GRM5: variants seen among roughly 807,000 people sequenced by gnomAD.
GRM5 encodes metabotropic glutamate receptor 5.
In GRM5, 19 loss-of-function variants were observed where a neutral mutation model predicts 83.1. The ratio of observed to expected loss-of-function variants is 0.23; its 90% confidence interval spans 0.16 to 0.34. The LOEUF (loss-of-function observed/expected upper bound fraction) is 0.34, where lower values mean the gene tolerates loss of function less well. Among genes scored for constraint, GRM5 ranks in the 10% least tolerant of loss-of-function variants. GRM5 has a pLI of 1.00. For missense variants in GRM5, 1,160 were observed against 1,588.3 expected (o/e 0.73, Z 4.58); for synonymous variants, 675 against 633.6 (o/e 1.07, Z -0.98).
chr11:88,961,640 T>C (rs530813611), intron 2 of GRM5, among the ~76,000 whole-genome samples: 1 of 152,346 alleles, frequency 6.6e-6, no homozygotes, highest in South Asian at 2.1e-4. Context: ...ATTCTTCCTT[T>C]CTTTACTTCC....
In GRM5 at chr11:88,624,755, ACAAT is replaced by A. The variant is rs113807241; in HGVS notation, c.1148-19795_1148-19792del. Among the ~76,000 whole-genome samples, 1,327 of 152,324 alleles carry A rather than the reference ACAAT, an allele frequency of 8.7e-3. 16 individuals carry two copies. The highest frequency in any genetic ancestry group is 0.066 in the East Asian group (343 of 5,192). ...AGAAAATTTGCTATGTGCTTCTTAG[ACAAT>A]CAATTAAAACATATGTTTTGCTTTC... On this transcript the variant is annotated intron_variant, in intron 4 of 9. Transcript: ENST00000305447.
intron 3 of GRM5, among the ~76,000 whole-genome samples, chr11:88,739,638 A>T (rs2135415143): frequency 6.6e-6 from 1 of 152,108 alleles, no homozygotes; most frequent in Non-Finnish European, 1.5e-5. Context: ...TCACGAGTGA[A>T]TTCTCACGAG....
intron 2 of GRM5, among the ~76,000 whole-genome samples, chr11:88,948,896 G>A (rs552978897): frequency 1.1e-3 from 167 of 152,312 alleles, no homozygotes; most frequent in African/African-American, 3.8e-3. Flanking sequence ...AGTAATACAA[G>A]AGCAGAAATG....
intron 3 of GRM5, among the ~76,000 whole-genome samples, chr11:88,827,011 G>A (rs1245138662): frequency 6.6e-6 from 1 of 152,176 alleles, no homozygotes; most frequent in Non-Finnish European, 1.5e-5. Flanking sequence ...TCTACTGTAG[G>A]AAGCAAGAGG....
chr11:88,726,074 T>C (rs1941673023), intron 3 of GRM5, among the ~76,000 whole-genome samples: 1 of 151,958 alleles, frequency 6.6e-6, no homozygotes, highest in Non-Finnish European at 1.5e-5. Flanking sequence ...AGAAAGTGAG[T>C]AGTAACAAAC....
chr11:88,788,665 ACTAT>A (rs1231821558), intron 3 of GRM5, among the ~76,000 whole-genome samples: 1 of 152,202 alleles, frequency 6.6e-6, no homozygotes, highest in East Asian at 1.9e-4. Flanking sequence ...TAGAAATGTG[ACTAT>A]CTGATGGAAG....
intron 2 of GRM5, among the ~76,000 whole-genome samples, chr11:88,988,826 C>T (rs1390978357): frequency 0.036 from 5,125 of 141,266 alleles, 276 homozygotes; most frequent in African/African-American, 0.13. Context: ...ACTTTGTCAC[C>T]ACCAGGCCTG....
At chr11:88,777,353 GT>G (rs1942878263) in intron 3 of GRM5, among the ~76,000 whole-genome samples, 1 of 152,148 alleles carries the variant, frequency 6.6e-6, no homozygotes, top group African/African-American at 2.4e-5. Context: ...TTTTTTCAAG[GT>G]TTTTAGCTTC....
At chr11:88,984,944 A>T (rs1939654150) in intron 2 of GRM5, 1 of 586,380 alleles carries the variant, frequency 1.7e-6, no homozygotes, top group South Asian at 2.3e-5. Context: ...TAATAATTTG[A>T]CTCACTTTTT....
intron 4 of GRM5, among the ~76,000 whole-genome samples, chr11:88,642,095 A>G (rs1178435430): frequency 6.6e-6 from 1 of 152,118 alleles, no homozygotes; most frequent in African/African-American, 2.4e-5. Flanking sequence ...AGCTTCTGAA[A>G]TCGAGGTAGA....
chr11:88,508,760 C>T lies in GRM5; in HGVS notation c.3471G>A (p.Leu1157=), dbSNP rs1484679728. The T allele has an allele frequency of 6.5e-7, 1 of 1,537,116 alleles. No individual in the cohort carries two copies. The highest frequency in any genetic ancestry group is 1.7e-4 in the Middle Eastern group (1 of 5,784). The change falls in exon 10 of 10, where the codon CTG becomes CTA. Residue 1157 remains leucine (L), a synonymous_variant. Coordinates refer to ENST00000305447, the MANE Select transcript of GRM5 (RefSeq NM_001143831.3). This position sits in a 1 kb window ranked among gnomAD's most constrained non-coding sequence, Gnocchi z 4.2. The stretch of plus-strand genomic sequence containing the variant: ...GCGGGGTGAGAGCCACCAGCTCCTC[C>T]AGGTCTGGCTTGGCGGCCGCAGCCT... ...GPEAAAAKPD[L]EELVALTPPS... is the part of the protein sequence containing the mutation.
chr11:88,832,390 T>C (rs1420419813), intron 3 of GRM5, among the ~76,000 whole-genome samples: 3 of 152,144 alleles, frequency 2.0e-5, no homozygotes, highest in Non-Finnish European at 1.5e-5. Flanking sequence ...TAAAAAAATC[T>C]ATAAGTATAC....
At chr11:88,793,542 G>A (rs1565233394) in intron 3 of GRM5, among the ~76,000 whole-genome samples, 1 of 152,112 alleles carries the variant, frequency 6.6e-6, no homozygotes, top group Non-Finnish European at 1.5e-5. Flanking sequence ...CACAGAAATA[G>A]AAATAATAGT....
chr11:88,537,279 G>C (rs1194994835), intron 8 of GRM5, among the ~76,000 whole-genome samples: 1 of 19,728 alleles, frequency 5.1e-5, no homozygotes, highest in African/African-American at 1.3e-4. Context: ...ATCACCCTCT[G>C]GGCCCCTTGT....
intron 2 of GRM5, among the ~76,000 whole-genome samples, chr11:88,873,362 C>T (rs1186047705): frequency 6.6e-6 from 1 of 151,458 alleles, no homozygotes; most frequent in African/African-American, 2.4e-5. Flanking sequence ...ACCAAATAAA[C>T]CTAATAAATG....
intron 2 of GRM5, among the ~76,000 whole-genome samples, chr11:88,850,391 T>C (rs1221353606): frequency 2.0e-5 from 3 of 152,134 alleles, no homozygotes; most frequent in Non-Finnish European, 4.4e-5. Flanking sequence ...GAGAGAATAA[T>C]ATAAAAAGTG....
chr11:88,671,778 G>C (rs954459637), intron 3 of GRM5, among the ~76,000 whole-genome samples: 2 of 151,994 alleles, frequency 1.3e-5, no homozygotes, highest in Non-Finnish European at 2.9e-5. Flanking sequence ...TGTTAGACTT[G>C]GAATGAGCAA....
At chr11:88,709,365 G>A (rs1941233276) in intron 3 of GRM5, among the ~76,000 whole-genome samples, 1 of 152,070 alleles carries the variant, frequency 6.6e-6, no homozygotes, top group Non-Finnish European at 1.5e-5. Context: ...TGGAGAGCCA[G>A]GGTAAGGGAT....
intron 8 of GRM5, among the ~76,000 whole-genome samples, chr11:88,564,458 C>A (rs1325652476): frequency 6.6e-6 from 1 of 152,106 alleles, no homozygotes; most frequent in Non-Finnish European, 1.5e-5. Flanking sequence ...ACTAGAGAAA[C>A]TTTATAACTA....
Sources: gnomAD v4.1 joint callset for allele counts (sites outside exome capture counted in the v4.1 genomes callset) on GRCh38, gnomAD v4.1.1 for gene constraint, Gnocchi (gnomAD v3.1) non-coding constraint, MANE v1.5 for transcripts, NCBI Gene and HGNC (gene_info 2026-07-23, HGNC 2026-07-21) for gene names.